Variants in GPHN observed in about 807,000 individuals in gnomAD.
GPHN encodes gephyrin.
In GPHN, 17 loss-of-function variants were observed where a neutral mutation model predicts 95.5. That is an observed-to-expected ratio of 0.18 (90% confidence interval 0.12 to 0.27). GPHN has a LOEUF of 0.27. Ranked by LOEUF, GPHN falls within the 10% of genes least tolerant of loss-of-function variation. The pLI is 1.00. For synonymous variants in GPHN, 320 were observed against 322.5 expected, an observed-to-expected ratio of 0.99 and a Z score of 0.08; for missense variants, 660 against 978.1, an observed-to-expected ratio of 0.67 and a Z score of 4.34.
chr14:66,847,472 T>C (rs2062384511), intron 4 of GPHN, among the ~76,000 whole-genome samples: 1 of 152,042 alleles, frequency 6.6e-6, no homozygotes, highest in African/African-American at 2.4e-5. Context: ...TTGAGGAAGC[T>C]GAATTTAAAA....
chr14:66,658,915 A>T (rs2153372224), intron 1 of GPHN, among the ~76,000 whole-genome samples: 1 of 146,354 alleles, frequency 6.8e-6, no homozygotes, highest in African/African-American at 2.5e-5. Context: ...TTTTTGTTTC[A>T]TTGTTTTATT....
chr14:66,887,357 A>G, intron 5 of GPHN, among the ~76,000 whole-genome samples: 1 of 152,174 alleles, frequency 6.6e-6, no homozygotes. Flanking sequence ...TGGGAGGCCA[A>G]GGCAGGTGGA....
At chr14:67,025,272 A>G (rs1461606303) in intron 10 of GPHN, among the ~76,000 whole-genome samples, 1 of 152,056 alleles carries the variant, frequency 6.6e-6, no homozygotes, top group Admixed American at 6.6e-5. Context: ...TGTCCTTGTC[A>G]TTTTTTGTTG....
chr14:67,352,953 T>C, the GPHN span: 4 of 1,612,830 alleles, frequency 2.5e-6, no homozygotes, highest in Admixed American at 1.7e-5. Flanking sequence ...TCTGTCGAAA[T>C]CGAAGAGTTA....
chr14:67,023,106 T>TGTTATATAA (rs2073743842), intron 9 of GPHN, among the ~76,000 whole-genome samples: 1 of 152,020 alleles, frequency 6.6e-6, no homozygotes, highest in Non-Finnish European at 1.5e-5. Flanking sequence ...CAGAATCAAA[T>TGTTATATAA]GTAAATGTTA....
chr14:66,620,636 A>G (rs10139137), intron 1 of GPHN, among the ~76,000 whole-genome samples: 51,485 of 151,982 alleles, frequency 0.34, 13,150 homozygotes, highest in African/African-American at 0.7. Context: ...GAGATTTGGC[A>G]GAGGGGACAC....
intron 3 of GPHN, among the ~76,000 whole-genome samples, chr14:66,790,167 C>A (rs1021984179): frequency 1.3e-5 from 2 of 152,216 alleles, no homozygotes; most frequent in African/African-American, 4.8e-5. Context: ...TTTTAAAAAT[C>A]TCTTATTACC....
the GPHN span, chr14:67,588,896 C>T: frequency 6.6e-6 from 1 of 152,430 alleles, no homozygotes; most frequent in Non-Finnish European, 1.5e-5. Context: ...AAAAGAAGCA[C>T]ATCCAAGTTT....
intron 10 of GPHN, among the ~76,000 whole-genome samples, chr14:67,052,053 C>T (rs375983082): frequency 4.6e-5 from 7 of 152,242 alleles, no homozygotes; most frequent in East Asian, 3.9e-4. Flanking sequence ...ACTACATCAA[C>T]AAGTCTGCAA....
chr14:67,641,537 A>C, the GPHN span, among the ~76,000 whole-genome samples: 1 of 152,222 alleles, frequency 6.6e-6, no homozygotes, highest in African/African-American at 2.4e-5. Flanking sequence ...CTTAAATAAG[A>C]ATTTATGTTA....
the GPHN span, among the ~76,000 whole-genome samples, chr14:67,407,372 C>T: frequency 4.4e-4 from 67 of 151,988 alleles, 1 homozygote; most frequent in Middle Eastern, 6.8e-3. Flanking sequence ...CTGCCCACCT[C>T]GGCCTCCTAA....
At chr14:67,523,945 A>ACAAAGAGCATTTCCAGTGACG in the GPHN span, among the ~76,000 whole-genome samples, 7 of 152,294 alleles carry the variant, frequency 4.6e-5, no homozygotes, top group South Asian at 1.5e-3. Context: ...GAATAGTGAC[A>ACAAAGAGCATTTCCAGTGACG]CAAAGAGGGT....
At chr14:66,859,590 G>A (rs1223633632) in intron 4 of GPHN, among the ~76,000 whole-genome samples, 10 of 152,124 alleles carry the variant, frequency 6.6e-5, no homozygotes, top group Admixed American at 3.9e-4. Context: ...CAAGTATCAC[G>A]ATCACCCAGG....
intron 1 of GPHN, among the ~76,000 whole-genome samples, chr14:66,564,968 T>C (rs576871744): frequency 1.3e-5 from 2 of 152,278 alleles, no homozygotes; most frequent in East Asian, 1.9e-4. Flanking sequence ...CATGTATTTA[T>C]GTTCCTCCCC....
the GPHN span, among the ~76,000 whole-genome samples, chr14:67,397,143 T>C: frequency 6.6e-6 from 1 of 152,174 alleles, no homozygotes; most frequent in Non-Finnish European, 1.5e-5. Context: ...TTCACCATGT[T>C]GGCCAGGCTG....
chr14:67,497,432 T>G, the GPHN span, among the ~76,000 whole-genome samples: 1 of 152,068 alleles, frequency 6.6e-6, no homozygotes, highest in Non-Finnish European at 1.5e-5. Flanking sequence ...GAGGAAGAAC[T>G]GACGGGCAGC....
intron 16 of GPHN, among the ~76,000 whole-genome samples, chr14:67,116,589 C>T (rs2078710004): frequency 6.6e-6 from 1 of 152,116 alleles, no homozygotes; most frequent in South Asian, 2.1e-4. Context: ...CGCCATTTTG[C>T]CCAGACTGGC....
chr14:66,842,418 A>G (rs969823984), intron 4 of GPHN, among the ~76,000 whole-genome samples: 2 of 152,114 alleles, frequency 1.3e-5, no homozygotes, highest in Non-Finnish European at 2.9e-5. Flanking sequence ...GTGTAAACAT[A>G]TGAGTGAATT....
intron 1 of GPHN, among the ~76,000 whole-genome samples, chr14:66,677,681 C>G (rs2066684634): frequency 7.6e-6 from 1 of 131,658 alleles, no homozygotes; most frequent in Non-Finnish European, 1.5e-5. Context: ...TTTCTTGAGG[C>G]CAGTCTTGTG....
Sources: allele counts gnomAD v4.1 joint callset (sites outside exome capture counted in the v4.1 genomes callset), GRCh38; gene constraint gnomAD v4.1.1; transcripts MANE v1.5; gene names NCBI Gene and HGNC (gene_info 2026-07-23, HGNC 2026-07-21).